HMGCLL1: variants seen among roughly 807,000 people sequenced by gnomAD.
The protein encoded by HMGCLL1 is 3-hydroxymethyl-3-methylglutaryl-CoA lyase, cytoplasmic.
A neutral mutation model predicts 39.1 loss-of-function variants in HMGCLL1; 36 were observed. The ratio of observed to expected loss-of-function variants is 0.92; its 90% CI spans 0.71 to 1.22. The LOEUF is 1.22. HMGCLL1 is among the 50% of genes most tolerant of loss of function. The pLI is 0.00. For missense variants in HMGCLL1, 451 were observed against 416.5 expected (o/e 1.08, Z -0.72); for synonymous variants, 149 against 144.0 (o/e 1.03, Z -0.25).
rs190029890 is a variant in HMGCLL1, at chr6:55,540,010, G to A, written c.297+1719C>T. Among the ~76,000 whole-genome samples, 101 of 17,806 alleles carry A rather than the reference G, an allele frequency of 5.7e-3. 2 individuals are homozygous for A. The highest frequency in any genetic ancestry group is 0.011 in the East Asian group (4 of 354). The allele number at this position is 17,806 out of a possible 152,430, so 11.7% of individuals were successfully genotyped here. A position where few individuals can be genotyped will look rare whatever the true frequency, so the allele number is the denominator to read the frequency against. ...GAAGGAAGGAAGGGAGGGAGGGAGG[G>A]AGGGAGGGAGGGAGGGAGGGAGGGA... On this transcript the variant is annotated intron_variant, in intron 3 of 8. Coordinates refer to ENST00000274901, the MANE Select transcript of HMGCLL1 (RefSeq NM_001042406.2).
At chr6:55,630,169 G>A in the HMGCLL1 span, among the ~76,000 whole-genome samples, 1 of 152,176 alleles carries the variant, frequency 6.6e-6, no homozygotes, top group African/African-American at 2.4e-5. Flanking sequence ...ACCCACAGGG[G>A]TGGAGCTGCC....
chr6:55,479,887 G>C (rs1308136155), intron 7 of HMGCLL1, among the ~76,000 whole-genome samples: 1 of 151,464 alleles, frequency 6.6e-6, no homozygotes, highest in East Asian at 1.9e-4. Context: ...CTTTCTAATT[G>C]GATCTTGGGT....
chr6:55,536,982 C>T (rs1259126852), intron 3 of HMGCLL1, among the ~76,000 whole-genome samples: 1 of 152,070 alleles, frequency 6.6e-6, no homozygotes, highest in Non-Finnish European at 1.5e-5. Flanking sequence ...CAATTTAGAT[C>T]CACACACATT....
At chr6:55,498,114 C>T (rs1766676687) in intron 6 of HMGCLL1, among the ~76,000 whole-genome samples, 1 of 152,106 alleles carries the variant, frequency 6.6e-6, no homozygotes, top group African/African-American at 2.4e-5. Context: ...GAGATCCTCA[C>T]CCAAGGTGTG....
At chr6:55,550,413 G>T (rs572403005) in intron 1 of HMGCLL1, among the ~76,000 whole-genome samples, 9 of 151,982 alleles carry the variant, frequency 5.9e-5, no homozygotes, top group Non-Finnish European at 1.3e-4. Context: ...CAGCTCCTGG[G>T]ATTCCTGTGT....
intron 3 of HMGCLL1, among the ~76,000 whole-genome samples, chr6:55,520,187 T>C (rs963855429): frequency 5.3e-5 from 8 of 150,994 alleles, no homozygotes; most frequent in Admixed American, 2.6e-4. Context: ...TCATGGCACA[T>C]GTATACCTGT....
upstream of HMGCLL1, among the ~76,000 whole-genome samples, chr6:55,580,547 C>T (rs1771963582): frequency 6.6e-6 from 1 of 151,156 alleles, no homozygotes; most frequent in South Asian, 2.1e-4. Flanking sequence ...TCCCCAGCTG[C>T]TGGGACTACA....
the HMGCLL1 span, among the ~76,000 whole-genome samples, chr6:55,625,129 C>A: frequency 6.6e-6 from 1 of 152,058 alleles, no homozygotes; most frequent in African/African-American, 2.4e-5. Context: ...AAGGCCCAGC[C>A]GTCTTCTGCA....
At chr6:55,463,960 C>T (rs531403554) in intron 7 of HMGCLL1, among the ~76,000 whole-genome samples, 3 of 152,132 alleles carry the variant, frequency 2.0e-5, no homozygotes, top group African/African-American at 7.2e-5. Context: ...CAGAAACCAC[C>T]CAACGCTTTA....
At chr6:55,470,794 G>A (rs893247190) in intron 7 of HMGCLL1, among the ~76,000 whole-genome samples, 4 of 151,696 alleles carry the variant, frequency 2.6e-5, no homozygotes, top group Non-Finnish European at 5.9e-5. Flanking sequence ...AAGTTGAAGG[G>A]GAAGCAAGGC....
At chr6:55,504,640 A>G (rs1044919828) in intron 5 of HMGCLL1, among the ~76,000 whole-genome samples, 10 of 150,196 alleles carry the variant, frequency 6.7e-5, no homozygotes, top group Admixed American at 6.0e-4. Context: ...CTATGTAAGT[A>G]GTTGCTAGAC....
the HMGCLL1 span, among the ~76,000 whole-genome samples, chr6:55,672,054 G>A: frequency 7.9e-5 from 12 of 151,808 alleles, no homozygotes; most frequent in East Asian, 1.9e-4. Flanking sequence ...AAGAGGAACA[G>A]GGAACCAGGG....
At chr6:55,559,879 C>T (rs1395461327) in intron 1 of HMGCLL1, among the ~76,000 whole-genome samples, 1 of 152,092 alleles carries the variant, frequency 6.6e-6, no homozygotes, top group African/African-American at 2.4e-5. Flanking sequence ...AAATGTCTAG[C>T]ATCAAGAAGA....
chr6:55,491,220 T>C (rs1766292820), intron 7 of HMGCLL1, among the ~76,000 whole-genome samples: 1 of 152,176 alleles, frequency 6.6e-6, no homozygotes, highest in African/African-American at 2.4e-5. Flanking sequence ...AAACAAATTA[T>C]ATGAAGAAAG....
At chr6:55,606,764 G>A in the HMGCLL1 span, among the ~76,000 whole-genome samples, 1 of 151,996 alleles carries the variant, frequency 6.6e-6, no homozygotes, top group African/African-American at 2.4e-5. Flanking sequence ...GGGACTTTAC[G>A]CATGTGATTA....
At chr6:55,510,524 G>A (rs976805053) in intron 5 of HMGCLL1, among the ~76,000 whole-genome samples, 9 of 149,910 alleles carry the variant, frequency 6.0e-5, no homozygotes, top group African/African-American at 1.2e-4. Context: ...CATCATTCTC[G>A]GTAAACTATC....
chr6:55,520,596 AT>A (rs201002656), intron 3 of HMGCLL1, among the ~76,000 whole-genome samples: 5 of 151,328 alleles, frequency 3.3e-5, no homozygotes, highest in Admixed American at 2.6e-4. Flanking sequence ...CCTTGCTTTA[AT>A]TTTTTTTTCT....
At chr6:55,598,530 G>A in the HMGCLL1 span, among the ~76,000 whole-genome samples, 1 of 152,130 alleles carries the variant, frequency 6.6e-6, no homozygotes, top group African/African-American at 2.4e-5. Flanking sequence ...TGAAAGCATT[G>A]AAACCATGCC....
chr6:55,664,760 A>T, the HMGCLL1 span, among the ~76,000 whole-genome samples: 17 of 151,620 alleles, frequency 1.1e-4, no homozygotes, highest in African/African-American at 3.6e-4. Context: ...TCATCTCAAA[A>T]CTTTGCTAGG....
Sources: allele counts gnomAD v4.1 joint callset (sites outside exome capture counted in the v4.1 genomes callset), GRCh38; gene constraint gnomAD v4.1.1; transcripts MANE v1.5; gene names NCBI Gene and HGNC (gene_info 2026-07-23, HGNC 2026-07-21).